Variants in NPHS2 observed in about 807,000 individuals in gnomAD.
The protein encoded by NPHS2 is NPHS2 stomatin family member, podocin.
Under a neutral mutation model 37.1 loss-of-function variants are expected in NPHS2, and 36 were observed. The observed-to-expected ratio is 0.97, with a 90% CI of 0.74 to 1.28. The LOEUF is 1.28. NPHS2 is among the 50% of genes most tolerant of loss of function. The probability of loss-of-function intolerance (pLI) is 0.00; values close to 1 mark genes in which losing one functional copy is unlikely to be tolerated. For synonymous variants in NPHS2, 196 were observed against 189.3 expected (o/e 1.04, Z -0.29); for missense variants, 447 against 488.1 (o/e 0.92, Z 0.79).
chr1:179,573,805 T>C (rs970056240), intron 1 of NPHS2, among the ~76,000 whole-genome samples: 2 of 152,248 alleles, frequency 1.3e-5, no homozygotes, highest in African/African-American at 4.8e-5. Flanking sequence ...AACTAATTTA[T>C]ATCCTCAAAC....
rs980246990 is a variant in NPHS2 at position 179,550,832 on chromosome 1, G to C, written c.*341C>G. 3.1e-5 allele frequency: 11 copies of C among 360,350 alleles called. No homozygotes were observed. Among genetic ancestry groups the C allele is most frequent in the African/African-American group, 2.3e-4 (11 of 47,482 alleles). 22.3% of individuals were successfully genotyped at this position (360,350 alleles called of 1,614,324 possible). ...GGAGCTGTGGCAACCTTGCCAAAGG[G>C]GTCAGAGGACATACAGTGAAAGGGA... On this transcript the variant is annotated 3_prime_UTR_variant, in exon 8 of 8. Transcript: ENST00000367615.
chr1:179,570,728 T>C (rs1040443970), intron 1 of NPHS2, among the ~76,000 whole-genome samples: 1 of 152,236 alleles, frequency 6.6e-6, no homozygotes, highest in Non-Finnish European at 1.5e-5. Flanking sequence ...TCTTTTCACA[T>C]AGTCCCATAT....
At chr1:179,560,800 A>T (rs1011770742) in intron 3 of NPHS2, among the ~76,000 whole-genome samples, 3 of 152,150 alleles carry the variant, frequency 2.0e-5, no homozygotes, top group Non-Finnish European at 4.4e-5. Flanking sequence ...GAGATCAGAG[A>T]CCATGTCTTA....
In NPHS2 at chr1:179,564,678, A is replaced by G; in HGVS notation, c.378+12T>C. The G allele has an allele frequency of 6.2e-7, 1 of 1,609,752 alleles. No individual in the cohort carries two copies. Among genetic ancestry groups the G allele is most frequent in the Non-Finnish European group, 8.5e-7 (1 of 1,176,074 alleles). On this transcript the variant is annotated intron_variant, in intron 2 of 7. Transcript: ENST00000367615. ...TCAGGAAATTACCTATTGGGTCCTT[A>G]TGGAATCTCACCTTTACGCAGAACC...
chr1:179,560,485 G>A (rs1046017420), intron 3 of NPHS2, among the ~76,000 whole-genome samples: 4 of 152,064 alleles, frequency 2.6e-5, no homozygotes, highest in Admixed American at 6.6e-5. Context: ...GAAAACCAGG[G>A]CCAGAACAAG....
intron 1 of NPHS2, among the ~76,000 whole-genome samples, chr1:179,569,801 A>G (rs1446704622): frequency 6.6e-6 from 1 of 152,144 alleles, no homozygotes; most frequent in Non-Finnish European, 1.5e-5. Context: ...TTCCCTTACG[A>G]AGCTTAGTTT....
At position 179,556,623 on chromosome 1, in the gene NPHS2, T is replaced by C. The variant is rs1469579542; in HGVS notation, c.738+404A>G. 6.6e-6 allele frequency among the ~76,000 whole-genome samples: 1 copy of C among 152,222 alleles called. No homozygotes were observed. Among genetic ancestry groups the C allele is most frequent in the Non-Finnish European group, 1.5e-5 (1 of 68,038 alleles). ...GTCTTATTTGAACTTATTATTTAAC[T>C]TGGCACTCATTATGCTTGTTTCCCC... On this transcript the variant is annotated intron_variant, in intron 5 of 7. Coordinates refer to ENST00000367615, the MANE Select transcript of NPHS2 (RefSeq NM_014625.4). The surrounding 1 kb of genome is among the most constrained non-coding windows in gnomAD (Gnocchi z 4.1).
intron 2 of NPHS2, among the ~76,000 whole-genome samples, chr1:179,563,934 C>T (rs1037023632): frequency 6.6e-6 from 1 of 152,220 alleles, no homozygotes. Flanking sequence ...TCTGCAGCTA[C>T]AGCCAGTGAC....
At chr1:179,564,944 G>A in intron 1 of NPHS2, 151 bp from the exon 2 acceptor site, 1 of 700,714 alleles carries the variant, frequency 1.4e-6, no homozygotes, top group South Asian at 1.7e-5. Flanking sequence ...AGTAGTCAGA[G>A]TTCACAGGGC....
In NPHS2 at chr1:179,570,314, G is replaced by T. The variant is rs975154969; in HGVS notation, c.274+5277C>A. On this transcript the variant is annotated intron_variant, in intron 1 of 7. Coordinates refer to ENST00000367615, the MANE Select transcript of NPHS2 (RefSeq NM_014625.4). Reference sequence around the variant, plus strand: ...CACAGCTTTCAGAGCTGAGATCCCGGAACAGAGATTTACCCATGTTTTTAT... The same window carrying T: ...CACAGCTTTCAGAGCTGAGATCCCGTAACAGAGATTTACCCATGTTTTTAT... Among the ~76,000 whole-genome samples, 4 of 152,160 alleles carry T rather than the reference G, an allele frequency of 2.6e-5. No individual in the cohort carries two copies. The East Asian group carries it at 7.7e-4, about 29-fold the overall frequency.
At chr1:179,553,397 C>T (rs923377443) in intron 6 of NPHS2, among the ~76,000 whole-genome samples, 1 of 152,196 alleles carries the variant, frequency 6.6e-6, no homozygotes, top group Non-Finnish European at 1.5e-5. Context: ...GTGGTATAGC[C>T]TCACAATGAA....
At chr1:179,561,414 A>G in intron 2 of NPHS2, 53 bp from the exon 3 acceptor site, 1 of 1,394,288 alleles carries the variant, frequency 7.2e-7, no homozygotes, top group Non-Finnish European at 1.0e-6. Flanking sequence ...AAAGTCTTCA[A>G]AAGGCCTTGG....
At chr1:179,553,891 A>G (rs1373644638) in intron 6 of NPHS2, among the ~76,000 whole-genome samples, 2 of 147,722 alleles carry the variant, frequency 1.4e-5, no homozygotes, top group African/African-American at 5.0e-5. Context: ...GATTACAGGC[A>G]TTTGCCAACA....
chr1:179,567,421 C>T (rs989970467), intron 1 of NPHS2, among the ~76,000 whole-genome samples: 3 of 152,124 alleles, frequency 2.0e-5, no homozygotes, highest in African/African-American at 7.2e-5. Flanking sequence ...AATTTTGTAT[C>T]CTGAGACTTT....
At chr1:179,554,782 C>A (rs1673819850) in intron 5 of NPHS2, 1 of 563,368 alleles carries the variant, frequency 1.8e-6, no homozygotes, top group Admixed American at 3.0e-5. Context: ...ATCCCATGTC[C>A]TAATCCCTGG....
intron 2 of NPHS2, among the ~76,000 whole-genome samples, chr1:179,563,788 C>T (rs1021067761): frequency 6.6e-6 from 1 of 151,902 alleles, no homozygotes; most frequent in African/African-American, 2.4e-5. Context: ...CACAAGATAC[C>T]AAAATGTATC....
In NPHS2 at chr1:179,551,565, G is replaced by A. The variant is rs1572256954; in HGVS notation, c.874-114C>T. The stretch of plus-strand genomic sequence containing the variant: ...GAGCATCTACTATGTGGCAAGCACG[G>A]TTAAGCATAGAACATGTTTATTCTT... On this transcript the variant is annotated intron_variant, in intron 7 of 7. Coordinates refer to ENST00000367615, the MANE Select transcript of NPHS2 (RefSeq NM_014625.4). The A allele has an allele frequency of 2.5e-6, 3 of 1,191,290 alleles. No individual in the cohort carries two copies. In the Admixed American group the frequency reaches 5.5e-5, roughly 22 times the overall value. The allele number at this position is 1,191,290 out of a possible 1,614,324, so 73.8% of individuals were successfully genotyped here.
In NPHS2 at chr1:179,575,924, A is replaced by G. The variant is rs982631536; in HGVS notation, c.-60T>C. ...GGGAGCGCTAGGGGCACGGGAGCGC[A>G]GTCCCTGTGGAGTCGCTGCGGGTCC... On this transcript the variant is annotated 5_prime_UTR_variant, in exon 1 of 8. Transcript: ENST00000367615. The G allele has an allele frequency of 2.2e-6, 3 of 1,339,018 alleles. No individual in the cohort carries two copies. The highest frequency in any genetic ancestry group is 1.9e-6 in the Non-Finnish European group (2 of 1,049,336). 82.9% of individuals were successfully genotyped at this position (1,339,018 alleles called of 1,614,324 possible).
chr1:179,561,434 G>C, intron 2 of NPHS2, 73 bp from the exon 3 acceptor site: 1 of 1,141,936 alleles, frequency 8.8e-7, no homozygotes, highest in Non-Finnish European at 1.3e-6. Flanking sequence ...GCATAAGAAT[G>C]ATCCTAGATA....
Sources: allele counts gnomAD v4.1 joint callset (sites outside exome capture counted in the v4.1 genomes callset), GRCh38; gene constraint gnomAD v4.1.1; non-coding constraint Gnocchi (gnomAD v3.1); transcripts MANE v1.5; gene names NCBI Gene and HGNC (gene_info 2026-07-23, HGNC 2026-07-21).